The following DPP10 variants were observed in gnomAD, a reference collection of about 807,000 sequenced individuals.
DPP10 encodes dipeptidyl peptidase like 10.
In DPP10, 33 loss-of-function variants were observed where a neutral mutation model predicts 120.9. The ratio of observed to expected loss-of-function variants is 0.27; its 90% CI spans 0.21 to 0.37. DPP10 has a LOEUF of 0.37. Ranked by LOEUF, DPP10 falls within the 10% of genes least tolerant of loss-of-function variation. The pLI is 1.00. For missense variants in DPP10, 816 were observed against 942.8 expected (o/e 0.87, Z 1.76); for synonymous variants, 337 against 326.1 (o/e 1.03, Z -0.36).
At chr2:114,767,121 GCTTAAAGCTAAAATT>G (rs1680781260) in intron 1 of DPP10, among the ~76,000 whole-genome samples, 1 of 81,094 alleles carries the variant, frequency 1.2e-5, no homozygotes, top group Non-Finnish European at 2.5e-5. Context: ...AAAAAAAAAA[GCTTAAAGCTAAAATT>G]AAAAAACAAC....
At chr2:114,453,149 C>A (rs1397509726) in intron 1 of DPP10, among the ~76,000 whole-genome samples, 2 of 152,112 alleles carry the variant, frequency 1.3e-5, no homozygotes, top group Non-Finnish European at 2.9e-5. Flanking sequence ...CCACAGAGAT[C>A]AGCAAAATAG....
At chr2:115,626,293 A>G (rs887803158) in intron 5 of DPP10, among the ~76,000 whole-genome samples, 23 of 152,052 alleles carry the variant, frequency 1.5e-4, no homozygotes, top group African/African-American at 5.5e-4. Flanking sequence ...TTAACCAAAT[A>G]TCAAATTATT....
At chr2:115,388,063 A>T (rs954345604) in intron 3 of DPP10, among the ~76,000 whole-genome samples, 2 of 152,224 alleles carry the variant, frequency 1.3e-5, no homozygotes, top group Non-Finnish European at 2.9e-5. Flanking sequence ...AAAAATATAT[A>T]TGACGTAAAG....
At chr2:115,743,565 T>C (rs1677561592) in intron 9 of DPP10, among the ~76,000 whole-genome samples, 1 of 152,176 alleles carries the variant, frequency 6.6e-6, no homozygotes, top group South Asian at 2.1e-4. Flanking sequence ...TTTCACTAAC[T>C]GGAAGATTTA....
At chr2:115,447,590 T>C (rs980285217) in intron 3 of DPP10, among the ~76,000 whole-genome samples, 5 of 152,206 alleles carry the variant, frequency 3.3e-5, no homozygotes, top group Non-Finnish European at 4.4e-5. Context: ...CCTCCCATGC[T>C]GCTCTTGTGA....
At chr2:115,315,598 A>G (rs1304556822) in intron 2 of DPP10, among the ~76,000 whole-genome samples, 1 of 152,184 alleles carries the variant, frequency 6.6e-6, no homozygotes, top group Non-Finnish European at 1.5e-5. Flanking sequence ...TGAGGGGAAA[A>G]TAATGTTTTA....
intron 4 of DPP10, among the ~76,000 whole-genome samples, chr2:115,515,245 T>A (rs1381293713): frequency 6.6e-6 from 1 of 151,992 alleles, no homozygotes; most frequent in Non-Finnish European, 1.5e-5. Context: ...TATATTCCAG[T>A]GTATTGGTGA....
intron 1 of DPP10, among the ~76,000 whole-genome samples, chr2:114,903,280 T>G (rs947257849): frequency 6.6e-6 from 1 of 152,230 alleles, no homozygotes; most frequent in Non-Finnish European, 1.5e-5. Flanking sequence ...GGTTTTTGTG[T>G]GAACAAACCT....
In DPP10 at chr2:114,692,280, G is replaced by T. The variant is rs188113020; in HGVS notation, c.60+249442G>T. Reference sequence around the variant, plus strand: ...TGCATCCCAGAGATTCTGGTACATTGTTTCTTTGTTCTCATTAGTTTCAAA... The same window carrying T: ...TGCATCCCAGAGATTCTGGTACATTTTTTCTTTGTTCTCATTAGTTTCAAA... On this transcript the variant is annotated intron_variant, in intron 1 of 25. Coordinates refer to ENST00000410059, the MANE Select transcript of DPP10 (RefSeq NM_020868.6). 5.0e-3 allele frequency among the ~76,000 whole-genome samples: 767 copies of T among 152,060 alleles called. 2 individuals carry two copies. Among genetic ancestry groups the T allele is most frequent in the Non-Finnish European group, 8.5e-3 (575 of 67,938 alleles).
At chr2:114,564,031 A>G (rs1343604895) in intron 1 of DPP10, among the ~76,000 whole-genome samples, 2 of 152,166 alleles carry the variant, frequency 1.3e-5, no homozygotes, top group African/African-American at 2.4e-5. Flanking sequence ...GTTGGCCACA[A>G]TGTCCTCCTT....
chr2:114,664,487 G>T (rs930570422), intron 1 of DPP10, among the ~76,000 whole-genome samples: 5 of 151,856 alleles, frequency 3.3e-5, no homozygotes, highest in African/African-American at 1.2e-4. Context: ...AACTTAGCCG[G>T]GTGTGGTGGT....
In DPP10 at chr2:115,063,986, G is replaced by T. The variant is rs1205990661; in HGVS notation, c.61-245253G>T. ...CTGGTATTACAATGGGTTTCACAGT[G>T]TTGGTTCAATGCCTGCCTTTTGTTA... On this transcript the variant is annotated intron_variant, in intron 1 of 25. Transcript: ENST00000410059. Among the ~76,000 whole-genome samples, 8 of 152,034 alleles carry T rather than the reference G, an allele frequency of 5.3e-5. No homozygotes were observed. The South Asian group carries it at 1.7e-3, about 32-fold the overall frequency.
At chr2:114,890,660 T>G (rs893927015) in intron 1 of DPP10, among the ~76,000 whole-genome samples, 3 of 152,230 alleles carry the variant, frequency 2.0e-5, no homozygotes, top group Non-Finnish European at 4.4e-5. Context: ...TCCTGAAGCA[T>G]GTATTGAATG....
At chr2:114,603,319 A>G (rs1692527079) in intron 1 of DPP10, among the ~76,000 whole-genome samples, 1 of 152,124 alleles carries the variant, frequency 6.6e-6, no homozygotes, top group African/African-American at 2.4e-5. Context: ...TGATATAATG[A>G]AAATAAATGA....
chr2:114,772,635 G>A (rs892698715), intron 1 of DPP10, among the ~76,000 whole-genome samples: 1 of 151,210 alleles, frequency 6.6e-6, no homozygotes, highest in African/African-American at 2.4e-5. Flanking sequence ...TATCTCATGT[G>A]TGTTCCTTAA....
At chr2:115,619,665 C>G (rs1381287526) in intron 5 of DPP10, among the ~76,000 whole-genome samples, 1 of 152,302 alleles carries the variant, frequency 6.6e-6, no homozygotes, top group Non-Finnish European at 1.5e-5. Flanking sequence ...CATACACTGT[C>G]AGGTTTTTTC....
At position 115,612,489 on chromosome 2, in the gene DPP10, T is replaced by G. The variant is rs146434186; in HGVS notation, c.442-77198T>G. 2.7e-3 allele frequency among the ~76,000 whole-genome samples: 416 copies of G among 152,306 alleles called. 2 individuals carry two copies. The highest frequency in any genetic ancestry group is 9.7e-3 in the African/African-American group (403 of 41,578). On this transcript the variant is annotated intron_variant, in intron 5 of 25. Coordinates refer to ENST00000410059, the MANE Select transcript of DPP10 (RefSeq NM_020868.6). ...CTACTAAAAAATGCAACATTATCAT[T>G]ATTGCATTTACATATTTCTTCCACA... is the stretch of plus-strand genomic sequence containing the variant.
In DPP10 at chr2:115,233,617, G is replaced by A. The variant is rs146762248; in HGVS notation, c.61-75622G>A. Reference sequence around the variant, plus strand: ...TGGGAGTTCACTCTGGGATCCATTGGATAGTTTTTCTTAGGGACTCTGGGT... The same window carrying A: ...TGGGAGTTCACTCTGGGATCCATTGAATAGTTTTTCTTAGGGACTCTGGGT... On this transcript the variant is annotated intron_variant, in intron 1 of 25. Transcript: ENST00000410059. 1.4e-3 allele frequency among the ~76,000 whole-genome samples: 209 copies of A among 152,256 alleles called. 1 individual carries two copies. The highest frequency in any genetic ancestry group is 4.6e-3 in the African/African-American group (193 of 41,548).
intron 7 of DPP10, among the ~76,000 whole-genome samples, chr2:115,712,540 T>TTTTATTTATATATATATATATATA (rs778592374): frequency 6.6e-4 from 12 of 18,074 alleles, no homozygotes; most frequent in African/African-American, 1.4e-3. Flanking sequence ...GAGTCCTGAA[T>TTTTATTTATATATATATATATATA]TAAATATATA....
Sources: allele counts gnomAD v4.1 joint callset (sites outside exome capture counted in the v4.1 genomes callset), GRCh38; gene constraint gnomAD v4.1.1; transcripts MANE v1.5; gene names NCBI Gene and HGNC (gene_info 2026-07-23, HGNC 2026-07-21).